KIF26B: variants seen among roughly 807,000 people sequenced by gnomAD.
The protein encoded by KIF26B is kinesin-like protein KIF26B.
In KIF26B, 63 loss-of-function variants were observed where a neutral mutation model predicts 151.2. The observed-to-expected ratio is 0.42, with a 90% CI of 0.34 to 0.51. KIF26B has a LOEUF of 0.51. Ranked by LOEUF, KIF26B falls within the 20% of genes least tolerant of loss-of-function variation. The pLI is 0.07. For synonymous variants in KIF26B, 1,357 were observed against 1,262.1 expected (o/e 1.08, Z -1.59); for missense variants, 2,813 against 2,913.6 (o/e 0.97, Z 0.79).
Position 245,687,738 on chromosome 1 carries a change from G to C in KIF26B, c.4755G>C (p.Lys1585Asn), listed in dbSNP as rs748464567. The C allele has an allele frequency of 1.8e-5, 29 of 1,578,114 alleles. No individual in the cohort carries two copies. In the South Asian group the frequency reaches 2.1e-4, roughly 11 times the overall value. ...ATLEGKVASP[K>N]HCVLARPKGT... Reference sequence around the variant, plus strand: ...TGGAGGGGAAGGTGGCTTCCCCCAAGCACTGTGTTCTGGCTCGGCCCAAAG... The same window carrying C: ...TGGAGGGGAAGGTGGCTTCCCCCAACCACTGTGTTCTGGCTCGGCCCAAAG... The change falls in exon 12 of 15, where the codon AAG (lysine) becomes AAC (asparagine). Residue 1585 changes from lysine (K) to asparagine (N), a missense_variant. Around this residue, in one of 3 missense-constraint regions of KIF26B, gnomAD observed 2,060 missense variants for 2,088.6 expected, o/e 0.99. Coordinates refer to ENST00000407071, the MANE Select transcript of KIF26B (RefSeq NM_018012.4). The surrounding 1 kb of genome is among the most constrained non-coding windows in gnomAD (Gnocchi z 4.9).
chr1:245,516,252 A>G lies in KIF26B; in HGVS notation c.1167-24515A>G, dbSNP rs908593068. Among the ~76,000 whole-genome samples the G allele has an allele frequency of 2.6e-5, 4 of 152,174 alleles. No homozygotes were observed. The highest frequency in any genetic ancestry group is 5.9e-5 in the Non-Finnish European group (4 of 68,028). ...TTGAACTCTGGTCCGTGATGAAGCAAGCTCTTCCATGGTGTTAGAGTCTGT... is the reference window on the plus strand; with the variant it reads ...TTGAACTCTGGTCCGTGATGAAGCAGGCTCTTCCATGGTGTTAGAGTCTGT... On this transcript the variant is annotated intron_variant, in intron 4 of 14. Coordinates refer to ENST00000407071, the MANE Select transcript of KIF26B (RefSeq NM_018012.4). This position sits in a 1 kb window ranked among gnomAD's most constrained non-coding sequence, Gnocchi z 4.2.
intron 3 of KIF26B, among the ~76,000 whole-genome samples, chr1:245,395,436 A>G (rs1673810331): frequency 6.6e-6 from 1 of 152,214 alleles, no homozygotes; most frequent in African/African-American, 2.4e-5. Context: ...AGTGAAGGAA[A>G]ACAGGGAACT....
chr1:245,578,098 A>G (rs1250006040), intron 5 of KIF26B, among the ~76,000 whole-genome samples: 2 of 152,232 alleles, frequency 1.3e-5, no homozygotes, highest in Admixed American at 6.5e-5. Context: ...CTGTCTACGA[A>G]TAGAACTTGG....
intron 5 of KIF26B, among the ~76,000 whole-genome samples, chr1:245,571,012 C>G (rs779150049): frequency 1.3e-5 from 2 of 152,186 alleles, no homozygotes; most frequent in South Asian, 4.1e-4. Flanking sequence ...ATAATAGTAT[C>G]TGCTTTCTAA....
At position 245,688,415 on chromosome 1, in the gene KIF26B, T is replaced by G. The variant is rs2044568580; in HGVS notation, c.5432T>G (p.Leu1811Arg). 1 of 1,458,930 alleles carries G rather than the reference T, an allele frequency of 6.9e-7. No homozygotes were observed. Among genetic ancestry groups the G allele is most frequent in the Admixed American group, 2.5e-5 (1 of 39,982 alleles). 90.4% of individuals were successfully genotyped at this position (1,458,930 alleles called of 1,614,324 possible). Reference sequence around the variant, plus strand: ...GCCGTCAGCGGGCGCATCTCGGAGCTGCTGCAGGGTGGCGCGGGCGCCCGG... The same window carrying G: ...GCCGTCAGCGGGCGCATCTCGGAGCGGCTGCAGGGTGGCGCGGGCGCCCGG... Reference protein sequence around the residue: ...LRAVSGRISELLQGGAGARGL... With the variant: ...LRAVSGRISERLQGGAGARGL... The change falls in exon 12 of 15, where the codon CTG (leucine) becomes CGG (arginine). Residue 1811 changes from leucine to arginine, a missense_variant. Transcript: ENST00000407071.
intron 9 of KIF26B, among the ~76,000 whole-genome samples, chr1:245,618,473 TGGGGCTGTGTCCGCTGCGTCAGTG>T (rs1337294177): frequency 6.6e-6 from 1 of 151,824 alleles, no homozygotes; most frequent in Non-Finnish European, 1.5e-5. Flanking sequence ...GCCACAGTGC[TGGGGCTGTGTCCGCTGCGTCAGTG>T]TCCAAGCCCT....
intron 9 of KIF26B, among the ~76,000 whole-genome samples, chr1:245,613,896 G>T (rs2043555250): frequency 6.6e-6 from 1 of 152,138 alleles, no homozygotes; most frequent in Non-Finnish European, 1.5e-5. Flanking sequence ...CAGTCATGTA[G>T]CCACCACCAT....
chr1:245,612,717 T>C (rs1322451713), intron 9 of KIF26B, among the ~76,000 whole-genome samples: 1 of 152,122 alleles, frequency 6.6e-6, no homozygotes, highest in Admixed American at 6.5e-5. Flanking sequence ...ATGGACCATG[T>C]TTTTTAAAAT....
chr1:245,585,272 G>C (rs1370048955), intron 5 of KIF26B, among the ~76,000 whole-genome samples: 1 of 152,192 alleles, frequency 6.6e-6, no homozygotes, highest in Admixed American at 6.5e-5. Flanking sequence ...CTTTGTGTGC[G>C]TATGTGAAAC....
chr1:245,681,243 T>C (rs2044433625), intron 10 of KIF26B, among the ~76,000 whole-genome samples: 1 of 150,688 alleles, frequency 6.6e-6, no homozygotes, highest in African/African-American at 2.4e-5. Context: ...AGAGTCTCGC[T>C]CTGTCGCCCA....
At chr1:245,283,352 G>A (rs1289022975) in intron 2 of KIF26B, among the ~76,000 whole-genome samples, 1 of 152,084 alleles carries the variant, frequency 6.6e-6, no homozygotes, top group Non-Finnish European at 1.5e-5. Context: ...CGACTCATCA[G>A]TTCTTCACAC....
chr1:245,542,650 G>T (rs1661650562), intron 5 of KIF26B, among the ~76,000 whole-genome samples: 2 of 152,288 alleles, frequency 1.3e-5, no homozygotes. Context: ...GGGCACACGG[G>T]TGTGATCGTG....
At chr1:245,537,128 G>A (rs1173296520) in intron 4 of KIF26B, among the ~76,000 whole-genome samples, 1 of 152,210 alleles carries the variant, frequency 6.6e-6, no homozygotes, top group African/African-American at 2.4e-5. Flanking sequence ...GGGCAAGGTA[G>A]GTTCACGGAT....
chr1:245,663,011 C>T lies in KIF26B; in HGVS notation c.2258+16731C>T, dbSNP rs566799192. 2.2e-4 allele frequency among the ~76,000 whole-genome samples: 34 copies of T among 151,216 alleles called. 1 individual carries two copies. The highest frequency in any genetic ancestry group is 8.3e-4 in the African/African-American group (34 of 41,078). ...ATTCTCTTTCCCCTCTTCTATCTCT[C>T]CAATTCTTGCTTTGTATCTCTCTCC... On this transcript the variant is annotated intron_variant, in intron 10 of 14. Coordinates refer to ENST00000407071, the MANE Select transcript of KIF26B (RefSeq NM_018012.4).
chr1:245,368,541 T>C (rs571979352), intron 3 of KIF26B, among the ~76,000 whole-genome samples: 2 of 152,202 alleles, frequency 1.3e-5, no homozygotes, highest in South Asian at 4.2e-4. Flanking sequence ...GGTGGGTGTT[T>C]GGTAGGTGGC....
intron 3 of KIF26B, among the ~76,000 whole-genome samples, chr1:245,398,779 T>C (rs1673923076): frequency 6.6e-6 from 1 of 151,102 alleles, no homozygotes; most frequent in Non-Finnish European, 1.5e-5. Flanking sequence ...TTTTATAAAA[T>C]TATAAATTTT....
intron 5 of KIF26B, among the ~76,000 whole-genome samples, chr1:245,543,165 C>T (rs2103104290): frequency 6.6e-6 from 1 of 152,252 alleles, no homozygotes; most frequent in African/African-American, 2.4e-5. Flanking sequence ...CTAATGACCT[C>T]CCTGGAATTC....
rs1010749335 is a variant in KIF26B, at chr1:245,241,156, G to A, written c.465+84473G>A. 5.9e-5 allele frequency among the ~76,000 whole-genome samples: 9 copies of A among 152,136 alleles called. No individual in the cohort carries two copies. The highest frequency in any genetic ancestry group is 4.6e-4 in the Admixed American group (7 of 15,280). ...TTTCTTCCCGTTACCAGTAAATGTC[G>A]GAATTTCCTGAGTGCAGCTCTGAAG... On this transcript the variant is annotated intron_variant, in intron 2 of 14. Transcript: ENST00000407071. This position sits in a 1 kb window ranked among gnomAD's most constrained non-coding sequence, Gnocchi z 5.0.
intron 5 of KIF26B, among the ~76,000 whole-genome samples, chr1:245,592,001 C>G (rs968822242): frequency 1.3e-5 from 2 of 152,196 alleles, no homozygotes; most frequent in Admixed American, 1.3e-4. Context: ...TGGTGACAGA[C>G]TCGTGTTGAT....
Sources: allele counts gnomAD v4.1 joint callset (sites outside exome capture counted in the v4.1 genomes callset), GRCh38; gene constraint gnomAD v4.1.1; regional missense constraint gnomAD v4.1.1; non-coding constraint Gnocchi (gnomAD v3.1); transcripts MANE v1.5; gene names NCBI Gene and HGNC (gene_info 2026-07-23, HGNC 2026-07-21).